Variants in GALNT17 observed in about 807,000 individuals in gnomAD.
GALNT17 encodes the protein UDP-GalNAc:polypeptide N-acetylgalactosaminyltransferase-like 3.
A neutral mutation model predicts 63.7 loss-of-function variants in GALNT17; 29 were observed. The observed-to-expected ratio is 0.46, with a 90% CI of 0.34 to 0.62. GALNT17 has a LOEUF of 0.62. Ranked by LOEUF, GALNT17 falls within the 20% of genes least tolerant of loss-of-function variation. The probability of loss-of-function intolerance (pLI) is 0.01; values close to 1 mark genes in which losing one functional copy is unlikely to be tolerated. For synonymous variants in GALNT17, 305 were observed against 318.3 expected (o/e 0.96, Z 0.45); for missense variants, 603 against 799.6 (o/e 0.75, Z 2.97).
chr7:71,372,379 G>A (rs1792640920), intron 2 of GALNT17, among the ~76,000 whole-genome samples: 1 of 152,022 alleles, frequency 6.6e-6, no homozygotes, highest in Non-Finnish European at 1.5e-5. Context: ...TGGACAGGCT[G>A]GTCTCGAACT....
chr7:71,439,732 G>A (rs548913187), intron 5 of GALNT17, among the ~76,000 whole-genome samples: 54 of 152,294 alleles, frequency 3.5e-4, no homozygotes, highest in Admixed American at 2.0e-3. Context: ...CAGTTCCTGA[G>A]TTATTGCTGG....
At chr7:71,678,533 C>T (rs1191959911) in intron 9 of GALNT17, among the ~76,000 whole-genome samples, 7 of 152,060 alleles carry the variant, frequency 4.6e-5, no homozygotes, top group Admixed American at 2.6e-4. Flanking sequence ...TGCGGTGGCT[C>T]ACGCCTGTAA....
intron 1 of GALNT17, among the ~76,000 whole-genome samples, chr7:71,314,055 C>T (rs999358634): frequency 3.9e-5 from 6 of 152,166 alleles, no homozygotes; most frequent in Non-Finnish European, 8.8e-5. Flanking sequence ...CACCATTAGC[C>T]ATTCTGGGCA....
At chr7:71,176,659 A>G (rs2158733) in intron 1 of GALNT17, among the ~76,000 whole-genome samples, 40,001 of 152,016 alleles carry the variant, frequency 0.26, 9,776 homozygotes, top group African/African-American at 0.66. Context: ...TTTTTGGACA[A>G]CTTTGAGCCG....
intron 6 of GALNT17, among the ~76,000 whole-genome samples, chr7:71,621,340 A>G (rs1470299124): frequency 6.6e-6 from 1 of 152,118 alleles, no homozygotes; most frequent in Non-Finnish European, 1.5e-5. Flanking sequence ...CAAGCTCTCT[A>G]AGAAGAGCAT....
In GALNT17 at chr7:71,710,741, C is replaced by T. The variant is rs1443085821; in HGVS notation, c.1501-20C>T. On this transcript the variant is annotated intron_variant, in intron 9 of 10. Transcript: ENST00000333538. Reference sequence around the variant, plus strand: ...CCTGCCTCCCACTTCCATTCCCCTGCTGCTCTGGTCTCTCGACAGCTTGCC... The same window carrying T: ...CCTGCCTCCCACTTCCATTCCCCTGTTGCTCTGGTCTCTCGACAGCTTGCC... 6.2e-7 allele frequency: 1 copy of T among 1,610,596 alleles called. No homozygotes were observed. Among genetic ancestry groups the T allele is most frequent in the Non-Finnish European group, 8.5e-7 (1 of 1,179,448 alleles).
chr7:71,356,796 T>G (rs1182258581), intron 2 of GALNT17, among the ~76,000 whole-genome samples: 1 of 152,070 alleles, frequency 6.6e-6, no homozygotes, highest in East Asian at 1.9e-4. Context: ...ATATATATAT[T>G]TTTTAGATGG....
At chr7:71,193,231 T>C (rs932842926) in intron 1 of GALNT17, among the ~76,000 whole-genome samples, 15 of 151,996 alleles carry the variant, frequency 9.9e-5, no homozygotes, top group African/African-American at 3.6e-4. Flanking sequence ...CCTGAGCATC[T>C]GGGACTACAG....
chr7:71,400,476 A>G (rs1793220602), intron 3 of GALNT17, among the ~76,000 whole-genome samples: 1 of 152,188 alleles, frequency 6.6e-6, no homozygotes, highest in African/African-American at 2.4e-5. Context: ...TGGCAAGTAT[A>G]AATTTTACAT....
chr7:71,455,499 TG>T (rs1162578088), intron 5 of GALNT17, among the ~76,000 whole-genome samples: 2 of 76,258 alleles, frequency 2.6e-5, no homozygotes, highest in Admixed American at 2.9e-4. Context: ...TTTTGTTTTT[TG>T]TTTTTGTTTT....
chr7:71,639,052 C>A (rs957489548), intron 6 of GALNT17, among the ~76,000 whole-genome samples: 1 of 152,218 alleles, frequency 6.6e-6, no homozygotes, highest in Non-Finnish European at 1.5e-5. Flanking sequence ...TAGTCTATAA[C>A]AACTCAATTG....
At chr7:71,195,244 C>A (rs1295174707) in intron 1 of GALNT17, among the ~76,000 whole-genome samples, 3 of 152,070 alleles carry the variant, frequency 2.0e-5, no homozygotes, top group African/African-American at 7.2e-5. Flanking sequence ...CAGATGAAGC[C>A]TCTCTCTGTT....
rs543315246 is a variant in GALNT17 at position 71,242,350 on chromosome 7, A to G, written c.239-93200A>G. 1.0e-4 allele frequency among the ~76,000 whole-genome samples: 15 copies of G among 148,936 alleles called. No individual in the cohort carries two copies. In the East Asian group the frequency reaches 2.0e-3, roughly 20 times the overall value. ...AGTGGCGCCATCTCAGCTCACTGCAAACTCCGCCTCCTGGGTTCACGCATT... is the reference window on the plus strand; with the variant it reads ...AGTGGCGCCATCTCAGCTCACTGCAGACTCCGCCTCCTGGGTTCACGCATT... On this transcript the variant is annotated intron_variant, in intron 1 of 10. Coordinates refer to ENST00000333538, the MANE Select transcript of GALNT17 (RefSeq NM_022479.3).
chr7:71,148,494 T>C (rs1415727778), intron 1 of GALNT17, among the ~76,000 whole-genome samples: 1 of 152,176 alleles, frequency 6.6e-6, no homozygotes, highest in Non-Finnish European at 1.5e-5. Context: ...AGAAAATAAG[T>C]ACAGTGGTAG....
chr7:71,606,378 G>A lies in GALNT17; in HGVS notation c.1080+34976G>A, dbSNP rs528241722. ...TGGTCAGCATGCTTAGATGAACAGC[G>A]CTTCACACAAGGAGTGTAAAGGAGG... On this transcript the variant is annotated intron_variant, in intron 6 of 10. Transcript: ENST00000333538. Among the ~76,000 whole-genome samples, 7 of 152,318 alleles carry A rather than the reference G, an allele frequency of 4.6e-5. No homozygotes were observed. The East Asian group carries it at 5.8e-4, about 13-fold the overall frequency.
At chr7:71,686,336 A>G (rs763049157) in intron 9 of GALNT17, among the ~76,000 whole-genome samples, 13 of 151,872 alleles carry the variant, frequency 8.6e-5, no homozygotes, top group Non-Finnish European at 1.5e-4. Flanking sequence ...CAAGATACAG[A>G]GCAGTTCAAT....
chr7:71,136,609 C>T (rs1257052554), intron 1 of GALNT17, among the ~76,000 whole-genome samples: 3 of 151,966 alleles, frequency 2.0e-5, no homozygotes, highest in Non-Finnish European at 1.5e-5. Flanking sequence ...CCTCAGCTCC[C>T]GAGTAGCTGG....
chr7:71,435,880 C>T (rs903781612), intron 5 of GALNT17, among the ~76,000 whole-genome samples: 10 of 152,044 alleles, frequency 6.6e-5, no homozygotes, highest in South Asian at 2.1e-4. Flanking sequence ...ATTAGCAGGG[C>T]GTGGTGGCGG....
intron 1 of GALNT17, among the ~76,000 whole-genome samples, chr7:71,175,986 T>C (rs1196209410): frequency 6.6e-6 from 1 of 152,162 alleles, no homozygotes; most frequent in African/African-American, 2.4e-5. Flanking sequence ...GTCTACTGGA[T>C]ATCACTTGTA....
Sources: allele counts gnomAD v4.1 joint callset (sites outside exome capture counted in the v4.1 genomes callset), GRCh38; gene constraint gnomAD v4.1.1; transcripts MANE v1.5; gene names NCBI Gene and HGNC (gene_info 2026-07-23, HGNC 2026-07-21).